The following TTC39B variants were observed in gnomAD, a reference collection of about 807,000 sequenced individuals.
TTC39B encodes tetratricopeptide repeat protein 39B.
In TTC39B, 92 loss-of-function variants were observed where a neutral mutation model predicts 96.6. The ratio of observed to expected loss-of-function variants is 0.95; its 90% CI spans 0.80 to 1.13. TTC39B has a LOEUF of 1.13. TTC39B is among the 50% of genes most tolerant of loss of function. The pLI is 0.00. For synonymous variants in TTC39B, 367 were observed against 299.4 expected, an observed-to-expected ratio of 1.23 and a Z score of -2.33; for missense variants, 955 against 809.3, an observed-to-expected ratio of 1.18 and a Z score of -2.18.
chr9:15,218,135 A>G (rs921823383), intron 3 of TTC39B, among the ~76,000 whole-genome samples: 2 of 141,068 alleles, frequency 1.4e-5, no homozygotes, highest in African/African-American at 2.7e-5. Flanking sequence ...GCGCCACTGC[A>G]TTCCAGTCTG....
chr9:15,192,769 CT>C, intron 8 of TTC39B, 74 bp from the exon 9 acceptor site: 1 of 988,948 alleles, frequency 1.0e-6, no homozygotes, highest in South Asian at 1.5e-5. Context: ...AAATTTTACA[CT>C]TATGTGCTAT....
intron 2 of TTC39B, among the ~76,000 whole-genome samples, chr9:15,259,343 G>A (rs932712020): frequency 1.3e-5 from 2 of 152,118 alleles, no homozygotes; most frequent in African/African-American, 4.8e-5. Context: ...GTTGTTGGGG[G>A]TTACACCATT....
At chr9:15,186,999 T>C in exon 15 of TTC39B, 1 of 1,613,388 alleles carries the variant, frequency 6.2e-7, no homozygotes, top group Non-Finnish European at 8.5e-7. Context: ...TCTGGAAGCA[T>C]ACTCAAAATT....
At chr9:15,188,219 C>G in intron 13 of TTC39B, 87 bp from the exon 14 acceptor site, 3 of 1,333,182 alleles carry the variant, frequency 2.3e-6, no homozygotes, top group Non-Finnish European at 3.0e-6. Flanking sequence ...ACACTTAGTA[C>G]AAAAAGGACA....
chr9:15,233,981 A>G (rs1297865889), intron 2 of TTC39B, among the ~76,000 whole-genome samples: 2 of 144,916 alleles, frequency 1.4e-5, no homozygotes, highest in Admixed American at 6.8e-5. Flanking sequence ...CCATCGTCTG[A>G]GATGTGGGGA....
At chr9:15,203,376 G>A (rs553775361) in intron 7 of TTC39B, among the ~76,000 whole-genome samples, 4 of 151,946 alleles carry the variant, frequency 2.6e-5, no homozygotes, top group South Asian at 2.1e-4. Flanking sequence ...TCAGCCTCCC[G>A]GGTAGCTGGG....
At chr9:15,223,322 T>C (rs1820949713) in intron 3 of TTC39B, among the ~76,000 whole-genome samples, 1 of 152,216 alleles carries the variant, frequency 6.6e-6, no homozygotes, top group African/African-American at 2.4e-5. Flanking sequence ...AATGAGTTTC[T>C]TAAAGGTGCA....
intron 2 of TTC39B, among the ~76,000 whole-genome samples, chr9:15,237,431 CA>C (rs1202531866): frequency 6.6e-6 from 1 of 151,854 alleles, no homozygotes; most frequent in Admixed American, 6.6e-5. Context: ...TAAGCATAAT[CA>C]AAAATGATAA....
chr9:15,184,486 G>C (rs977907542), intron 16 of TTC39B, among the ~76,000 whole-genome samples: 1 of 150,252 alleles, frequency 6.7e-6, no homozygotes, highest in Non-Finnish European at 1.5e-5. Context: ...ACACTGAACA[G>C]CTTTCCTGTG....
intron 1 of TTC39B, among the ~76,000 whole-genome samples, chr9:15,272,424 C>A (rs1020519972): frequency 2.6e-5 from 4 of 152,144 alleles, no homozygotes; most frequent in Admixed American, 6.5e-5. Flanking sequence ...TGACTCCTTC[C>A]AACATAAGTA....
intron 1 of TTC39B, among the ~76,000 whole-genome samples, chr9:15,283,533 T>C (rs887460451): frequency 1.4e-5 from 2 of 139,590 alleles, no homozygotes; most frequent in African/African-American, 5.1e-5. Flanking sequence ...CCAGGAGAAC[T>C]TTTTACATAC....
chr9:15,218,635 A>AAAAAAAAAAAAAATATATATATATAT (rs374054306), intron 3 of TTC39B, among the ~76,000 whole-genome samples: 27 of 149,530 alleles, frequency 1.8e-4, no homozygotes, highest in African/African-American at 6.4e-4. Context: ...GTCTATTTTA[A>AAAAAAAAAAAAAATATATATATATAT]ATATATATAT....
Position 15,258,808 on chromosome 9 carries a change from G to C in TTC39B, c.275+9106C>G, listed in dbSNP as rs143564531. ...TGCTGGGACCTCCTTGGTAAGATGA[G>C]ATAATTGCACCAAAGTGTTGCTAAG... On this transcript the variant is annotated intron_variant, in intron 2 of 19. Transcript: ENST00000512701. Among the ~76,000 whole-genome samples the C allele has an allele frequency of 1.3e-3, 199 of 152,270 alleles. 1 individual carries two copies. Among genetic ancestry groups the C allele is most frequent in the African/African-American group, 4.5e-3 (189 of 41,556 alleles).
intron 7 of TTC39B, 141 bp from the exon 8 acceptor site, chr9:15,200,066 A>G (rs1271967108): frequency 2.0e-6 from 1 of 504,020 alleles, no homozygotes; most frequent in African/African-American, 2.0e-5. Flanking sequence ...TGAAATTAAC[A>G]CATACTCTTG....
At chr9:15,186,677 A>G (rs1564321511) in intron 15 of TTC39B, 1 of 282,732 alleles carries the variant, frequency 3.5e-6, no homozygotes, top group Non-Finnish European at 6.6e-6. Context: ...GTTGATGTTG[A>G]TGCTACAGTT....
chr9:15,189,445 A>G (rs1818725264), intron 13 of TTC39B, 129 bp downstream of exon 13: 5 of 902,244 alleles, frequency 5.5e-6, no homozygotes, highest in Non-Finnish European at 8.3e-6. Context: ...TTACTTATAT[A>G]TTTTTTTCTT....
chr9:15,247,863 ACG>A (rs1564385172), intron 2 of TTC39B, among the ~76,000 whole-genome samples: 1 of 151,810 alleles, frequency 6.6e-6, no homozygotes, highest in African/African-American at 2.4e-5. Flanking sequence ...AAAAAAAAAA[ACG>A]AGGGGGCTCC....
intron 2 of TTC39B, among the ~76,000 whole-genome samples, chr9:15,231,559 T>C (rs1389067889): frequency 6.6e-6 from 1 of 152,246 alleles, no homozygotes; most frequent in Non-Finnish European, 1.5e-5. Context: ...TATCTTTTTA[T>C]TATTCATTTG....
At chr9:15,302,891 C>T (rs181559053) in intron 1 of TTC39B, among the ~76,000 whole-genome samples, 5 of 151,866 alleles carry the variant, frequency 3.3e-5, no homozygotes, top group South Asian at 4.2e-4. Flanking sequence ...AACATTTGGC[C>T]GGGCGCAGTG....
Sources: allele counts gnomAD v4.1 joint callset (sites outside exome capture counted in the v4.1 genomes callset), GRCh38; gene constraint gnomAD v4.1.1; transcripts MANE v1.5; gene names NCBI Gene and HGNC (gene_info 2026-07-23, HGNC 2026-07-21).